ZNF676: variants seen among roughly 807,000 people sequenced by gnomAD.
ZNF676 encodes zinc finger protein 676.
Under a neutral mutation model 6.0 loss-of-function variants are expected in ZNF676, and 4 were observed. The observed-to-expected ratio is 0.67, with a 90% CI of 0.33 to 1.53. The LOEUF (loss-of-function observed/expected upper bound fraction) is 1.53, where lower values mean the gene tolerates loss of function less well. Among genes scored for constraint, ZNF676 ranks in the 40% most tolerant of loss-of-function variants. The pLI is 0.06. For synonymous variants in ZNF676, 198 were observed against 223.1 expected, an observed-to-expected ratio of 0.89 and a Z score of 1.00; for missense variants, 644 against 679.7, an observed-to-expected ratio of 0.95 and a Z score of 0.58.
At chr19:22,248,260 C>T in the ZNF676 span, among the ~76,000 whole-genome samples, 1 of 152,106 alleles carries the variant, frequency 6.6e-6, no homozygotes, top group South Asian at 2.1e-4. Context: ...TGGGTATATA[C>T]CCAGTAATGG....
rs761280683 is a variant in ZNF676, at chr19:22,180,602, T to C, written c.1115A>G (p.Lys372Arg). Reference sequence around the variant, plus strand: ...AAGGGTTGAGACCTTACTAAAGGCTTTGCCACATCCTTCACATTTGTAGGG... The same window carrying C: ...AAGGGTTGAGACCTTACTAAAGGCTCTGCCACATCCTTCACATTTGTAGGG... ...EKPYKCEGCG[K>R]AFSKVSTLNT... Residue 372 changes from lysine to arginine, a missense_variant, in exon 3 of 3, where the codon AAA (lysine) becomes AGA (arginine). By Grantham distance (26) the Lys-to-Arg change is conservative. Transcript: ENST00000397121. 29 of 1,612,866 alleles carry C rather than the reference T, an allele frequency of 1.8e-5. No homozygotes were observed. Among genetic ancestry groups the C allele is most frequent in the Non-Finnish European group, 2.4e-5 (28 of 1,179,700 alleles).
the ZNF676 span, chr19:22,245,141 G>A: frequency 6.6e-6 from 1 of 152,068 alleles, no homozygotes; most frequent in South Asian, 2.1e-4. Flanking sequence ...AAATTCCCTT[G>A]AGAGGTGAGC....
At chr19:22,185,469 G>A (rs2023823665) in intron 2 of ZNF676, among the ~76,000 whole-genome samples, 1 of 146,964 alleles carries the variant, frequency 6.8e-6, no homozygotes, top group African/African-American at 2.5e-5. Context: ...CTCCTCCAAA[G>A]GATCACAACT....
chr19:22,236,636 G>T, the ZNF676 span, among the ~76,000 whole-genome samples: 1 of 152,126 alleles, frequency 6.6e-6, no homozygotes, highest in Non-Finnish European at 1.5e-5. Context: ...AGGAGTTCTG[G>T]GTCTGTAAAC....
At chr19:22,182,585 T>TAAAAAAAAAAAAAAAAAAAAAAAAA (rs67699215) in intron 2 of ZNF676, among the ~76,000 whole-genome samples, 1 of 45,060 alleles carries the variant, frequency 2.2e-5, no homozygotes, top group Non-Finnish European at 3.8e-5. Context: ...GTCAAAGTTC[T>TAAAAAAAAAAAAAAAAAAAAAAAAA]AAAAAAAAAA....
chr19:22,248,323 A>G, the ZNF676 span, among the ~76,000 whole-genome samples: 1 of 152,190 alleles, frequency 6.6e-6, no homozygotes, highest in Non-Finnish European at 1.5e-5. Context: ...GAATCACCAC[A>G]GTCTTCTATA....
chr19:22,259,463 C>A, the ZNF676 span, among the ~76,000 whole-genome samples: 1 of 152,072 alleles, frequency 6.6e-6, no homozygotes, highest in African/African-American at 2.4e-5. Flanking sequence ...AGGAGGAGAG[C>A]CCAAAAATAT....
upstream of ZNF676, among the ~76,000 whole-genome samples, chr19:22,199,490 T>TA (rs2024003103): frequency 2.6e-5 from 4 of 152,234 alleles, no homozygotes; most frequent in South Asian, 2.1e-4. Flanking sequence ...AATAGGATGT[T>TA]AGAGTACTGT....
intron 1 of ZNF676, among the ~76,000 whole-genome samples, chr19:22,204,474 G>T (rs1217869365): frequency 6.6e-6 from 1 of 152,052 alleles, no homozygotes; most frequent in African/African-American, 2.4e-5. Flanking sequence ...ATGAATGCAG[G>T]TTGTCTACAA....
the ZNF676 span, among the ~76,000 whole-genome samples, chr19:22,253,762 A>T: frequency 6.6e-6 from 1 of 151,994 alleles, no homozygotes; most frequent in Admixed American, 6.6e-5. Context: ...GGACCTCTCC[A>T]ATGGGGTCTG....
chr19:22,198,063 C>T (rs2023988206), upstream of ZNF676, among the ~76,000 whole-genome samples: 1 of 152,088 alleles, frequency 6.6e-6, no homozygotes, highest in South Asian at 2.1e-4. Context: ...TTAGAATTTT[C>T]TGGGTAATAA....
At chr19:22,248,092 GC>G in the ZNF676 span, among the ~76,000 whole-genome samples, 14 of 151,736 alleles carry the variant, frequency 9.2e-5, no homozygotes, top group African/African-American at 3.2e-4. Context: ...TTTTTTTATG[GC>G]TGCATAGTAT....
upstream of ZNF676, among the ~76,000 whole-genome samples, chr19:22,219,679 G>A (rs1164514421): frequency 2.7e-5 from 4 of 147,870 alleles, no homozygotes; most frequent in South Asian, 6.5e-4. Context: ...TTTCTCGGAC[G>A]GAGTCTCGCT....
upstream of ZNF676, among the ~76,000 whole-genome samples, chr19:22,199,679 G>A (rs769091024): frequency 6.6e-6 from 1 of 152,166 alleles, no homozygotes; most frequent in African/African-American, 2.4e-5. Flanking sequence ...GATACAGATG[G>A]AAAGAGCTTA....
rs2023929789 is a variant in ZNF676 at position 22,193,119 on chromosome 19, A to G, written c.35-8T>C. On this transcript the variant is annotated splice_polypyrimidine_tract_variant and splice_region_variant and intron_variant, in intron 1 of 2. Transcript: ENST00000397121. ...GCTTAAAGGCAGCAATACCTGTTTT[A>G]TTAAAAATGAACAACATCCATCTTG... 6.3e-7 allele frequency: 1 copy of G among 1,589,642 alleles called. No individual in the cohort carries two copies. The highest frequency in any genetic ancestry group is 1.4e-5 in the African/African-American group (1 of 73,176).
upstream of ZNF676, among the ~76,000 whole-genome samples, chr19:22,220,029 T>C (rs1316425851): frequency 6.6e-6 from 1 of 152,228 alleles, no homozygotes; most frequent in African/African-American, 2.4e-5. Flanking sequence ...AATCATAAAG[T>C]GATGCTGGAT....
At chr19:22,253,380 A>G in the ZNF676 span, among the ~76,000 whole-genome samples, 3,507 of 114,238 alleles carry the variant, frequency 0.031, 221 homozygotes, top group African/African-American at 0.11. Flanking sequence ...GTGTATATAT[A>G]TATATATATA....
exon 1 of ZNF676, chr19:22,215,688 C>A: frequency 3.8e-6 from 6 of 1,597,660 alleles, no homozygotes; most frequent in Non-Finnish European, 4.3e-6. Context: ...CCAATACCTG[C>A]AGGTCATAGG....
chr19:22,252,403 A>AAG, the ZNF676 span, among the ~76,000 whole-genome samples: 2 of 149,880 alleles, frequency 1.3e-5, no homozygotes, highest in African/African-American at 4.9e-5. Flanking sequence ...TGAAAAAAAA[A>AAG]AAGAAAAGAA....
Sources: allele counts gnomAD v4.1 joint callset (sites outside exome capture counted in the v4.1 genomes callset), GRCh38; gene constraint gnomAD v4.1.1; transcripts MANE v1.5; gene names NCBI Gene and HGNC (gene_info 2026-07-23, HGNC 2026-07-21).